KCNK16: variants seen among roughly 807,000 people sequenced by gnomAD.
KCNK16 encodes potassium channel subfamily K member 16.
In KCNK16, 23 loss-of-function variants were observed where a neutral mutation model predicts 23.0. That is an observed-to-expected ratio of 1.00 (90% CI 0.72 to 1.41). The LOEUF (loss-of-function observed/expected upper bound fraction) is 1.41. Ranked by LOEUF, KCNK16 falls within the 40% of genes most tolerant of loss-of-function variation. The pLI, the probability that KCNK16 is intolerant of heterozygous loss-of-function variation, is 0.00. For synonymous variants in KCNK16, 145 were observed against 153.5 expected (o/e 0.94, Z 0.41); for missense variants, 327 against 365.8 (o/e 0.89, Z 0.87).
chr6:39,315,153 T>C, downstream of KCNK16: 1 of 1,614,212 alleles, frequency 6.2e-7, no homozygotes, highest in Non-Finnish European at 8.5e-7. Flanking sequence ...CCCAGCCACA[T>C]AGGAGCCCAC....
At chr6:39,320,587 C>G (rs1422259621) in intron 1 of KCNK16, among the ~76,000 whole-genome samples, 1 of 152,244 alleles carries the variant, frequency 6.6e-6, no homozygotes, top group East Asian at 1.9e-4. Flanking sequence ...CTTCCAGAAT[C>G]TCACCCCAGT....
In KCNK16 at chr6:39,316,843, G is replaced by C. The variant is rs377243336; in HGVS notation, c.600C>G (p.Ser200Arg). ...VFSHVEGWSFSEGFYFAFITL... is the reference protein window; with the variant it reads ...VFSHVEGWSFREGFYFAFITL... ...TGATGAAAGCAAAGTAGAAGCCCTC[G>C]CTGAAGCTCCAGCCCTCCACATGGC... The change falls in exon 4 of 5, where the codon AGC becomes AGG. Residue 200 changes from serine (S) to arginine (R), a missense_variant. By Grantham distance (110) the Ser-to-Arg change is moderately radical. Coordinates refer to ENST00000437525, the MANE Select transcript of KCNK16 (RefSeq NM_001135106.2). The C allele has an allele frequency of 6.2e-7, 1 of 1,613,982 alleles. No individual in the cohort carries two copies. The highest frequency in any genetic ancestry group is 1.7e-5 in the Admixed American group (1 of 59,996).
In KCNK16 at chr6:39,322,320, C is replaced by A. The variant is rs200138260; in HGVS notation, c.213+8G>T. The stretch of plus-strand genomic sequence containing the variant: ...TCTCCATCCCAATCCCACATCGCTC[C>A]CCTTCACCTGCACAAACTGCTCCAT... On this transcript the variant is annotated splice_region_variant and intron_variant, in intron 1 of 4. Coordinates refer to ENST00000437525, the MANE Select transcript of KCNK16 (RefSeq NM_001135106.2). The A allele has an allele frequency of 2.6e-4, 412 of 1,609,282 alleles. 2 individuals are homozygous for A. Among genetic ancestry groups the A allele is most frequent in the Middle Eastern group, 4.9e-4 (3 of 6,068 alleles).
At chr6:39,317,022 G>C in intron 3 of KCNK16, 75 bp from the exon 4 acceptor site, 1 of 1,455,324 alleles carries the variant, frequency 6.9e-7, no homozygotes, top group Non-Finnish European at 9.3e-7. Flanking sequence ...GGAGTCTGGG[G>C]TAAACATGGG....
chr6:39,315,430 G>GGGAGGCC, downstream of KCNK16: 1 of 1,549,452 alleles, frequency 6.5e-7, no homozygotes, highest in East Asian at 2.4e-5. Context: ...TAAGGGGGTG[G>GGGAGGCC]CCTGTGAGGG....
At chr6:39,318,427 G>A (rs1762403653) in intron 2 of KCNK16, among the ~76,000 whole-genome samples, 1 of 152,148 alleles carries the variant, frequency 6.6e-6, no homozygotes, top group Admixed American at 6.5e-5. Context: ...TAACTGAATG[G>A]ATGGGGTAGA....
rs1359440826 is a variant in KCNK16 at position 39,316,437 on chromosome 6, C to T, written c.667G>A (p.Asp223Asn). The change falls in exon 5 of 5, where the codon GAC becomes AAC. Residue 223 changes from aspartate (D) to asparagine (N), a missense_variant. Coordinates refer to ENST00000437525, the MANE Select transcript of KCNK16 (RefSeq NM_001135106.2). The part of the protein sequence containing the change: ...IGFGDYVVGT[D>N]PSKHYISVYR... The stretch of plus-strand genomic sequence containing the variant: ...ACTGAGATATAATGCTTGCTGGGGT[C>T]TGTGCCTGCCAGGGAAGGGAATGGC... 2 of 1,596,278 alleles carry T rather than the reference C, an allele frequency of 1.3e-6. No individual in the cohort carries two copies. Among genetic ancestry groups the T allele is most frequent in the South Asian group, 1.1e-5 (1 of 89,626 alleles).
chr6:39,318,975 A>G, intron 2 of KCNK16, 44 bp downstream of exon 2: 1 of 1,379,416 alleles, frequency 7.2e-7, no homozygotes, highest in South Asian at 1.2e-5. Context: ...GCCCAAACTA[A>G]GACAGGGGCC....
downstream of KCNK16, chr6:39,314,948 C>T: frequency 6.7e-7 from 1 of 1,495,660 alleles, no homozygotes; most frequent in Non-Finnish European, 9.0e-7. Context: ...CCCCCGAAAT[C>T]CCTCTACCTG....
Position 39,322,504 on chromosome 6 carries a change from G to T in KCNK16, c.37C>A (p.Arg13=). 1 of 1,610,558 alleles carries T rather than the reference G, an allele frequency of 6.2e-7. No individual in the cohort carries two copies. Among genetic ancestry groups the T allele is most frequent in the Non-Finnish European group, 8.5e-7 (1 of 1,179,138 alleles). The part of the protein sequence containing the change: ...SAGLCSCWGG[R]VLPLLLAYVC... ...TAGGCCAGCAGCAGGGGCAGCACCC[G>T]GCCACCCCAGCAGCTGCAGAGCCCA... The change falls in exon 1 of 5, where the codon CGG becomes AGG. Residue 13 remains arginine, a synonymous_variant. Coordinates refer to ENST00000437525, the MANE Select transcript of KCNK16 (RefSeq NM_001135106.2).
rs371006984 is a variant in KCNK16, at chr6:39,319,041, T to C, written c.306A>G (p.Ala102=). 6.2e-6 allele frequency: 10 copies of C among 1,613,848 alleles called. No individual in the cohort carries two copies. Among genetic ancestry groups the C allele is most frequent in the Non-Finnish European group, 8.5e-6 (10 of 1,179,736 alleles). The change falls in exon 2 of 5, where the codon GCA becomes GCG. Residue 102 remains alanine (A), a synonymous_variant. Transcript: ENST00000437525. This position sits in a 1 kb window ranked among gnomAD's most constrained non-coding sequence, Gnocchi z 4.2. ...TACCTATGGTAGTGACGACTGTGCC[T>C]GCAAAGAAGAAACTGCTGCCAAAGT... is the stretch of plus-strand genomic sequence containing the variant. ...NWDFGSSFFF[A]GTVVTTIGYG...
At chr6:39,314,970 G>A, downstream of KCNK16, 1 of 1,534,322 alleles carries the variant, frequency 6.5e-7, no homozygotes, top group Non-Finnish European at 8.8e-7. Context: ...AGTGGAGGAA[G>A]CGTCTAGGCT....
chr6:39,320,089 A>C (rs1402963551), intron 1 of KCNK16, among the ~76,000 whole-genome samples: 1 of 152,172 alleles, frequency 6.6e-6, no homozygotes, highest in South Asian at 2.1e-4. Context: ...AGCCAGGGAC[A>C]CAACAGTTCT....
Position 39,322,547 on chromosome 6 carries a change from GCCAGGA to G in KCNK16, c.-13_-8del. On this transcript the variant is annotated 5_prime_UTR_variant, in exon 1 of 5. Coordinates refer to ENST00000437525, the MANE Select transcript of KCNK16 (RefSeq NM_001135106.2). ...AGAGCCCAGCACTGGGCATGCTGTG[GCCAGGA>G]CCCTGCCAGGGCCGTGGGGCTGGCT... 1.3e-6 allele frequency: 2 copies of G among 1,587,586 alleles called. No individual in the cohort carries two copies. The highest frequency in any genetic ancestry group is 1.7e-6 in the Non-Finnish European group (2 of 1,170,630).
At chr6:39,315,452 C>T (rs1425058084), downstream of KCNK16, 2 of 1,538,420 alleles carry the variant, frequency 1.3e-6, no homozygotes, top group African/African-American at 2.8e-5. Flanking sequence ...CAGGGGAGGC[C>T]ATGTTCAGGA....
At chr6:39,317,998 C>A (rs1259622435) in intron 2 of KCNK16, 46 bp from the exon 3 acceptor site, 1 of 1,520,462 alleles carries the variant, frequency 6.6e-7, no homozygotes, top group African/African-American at 1.4e-5. Flanking sequence ...CTCTAGAACG[C>A]CCTCTGCTCC....
In KCNK16 at chr6:39,316,204, C is replaced by G. The variant is rs1535499; in HGVS notation, c.*15G>C. 7,512 of 1,484,256 alleles carry G rather than the reference C, an allele frequency of 5.1e-3. 165 individuals are homozygous for G. In the African/African-American group the frequency reaches 0.063, roughly 12 times the overall value. The allele number at this position is 1,484,256 out of a possible 1,614,324, so 91.9% of individuals were successfully genotyped here. A position where few individuals can be genotyped will look rare whatever the true frequency, so the allele number is the denominator to read the frequency against. On this transcript the variant is annotated 3_prime_UTR_variant, in exon 5 of 5. Coordinates refer to ENST00000437525, the MANE Select transcript of KCNK16 (RefSeq NM_001135106.2). ...GGGGAGGATGAAAGGGGTTTCTGGG[C>G]CCCCCCCGGGGGCCTCATGCAGAGA...
chr6:39,317,927 T>C lies in KCNK16; in HGVS notation c.354A>G (p.Thr118=). 6.2e-7 allele frequency: 1 copy of C among 1,609,874 alleles called. No individual in the cohort carries two copies. Residue 118 remains threonine (T), a synonymous_variant, in exon 3 of 5, where the codon ACA becomes ACG. Transcript: ENST00000437525. ...AGACACAGAAGACCTGACCTGCCTC[T>C]GTGCTGGGTGCCAGGTTCCCATATC... ...TIGYGNLAPS[T]EAGQVFCVFY... is the part of the protein sequence containing the mutation.
downstream of KCNK16, chr6:39,315,039 TG>T: frequency 6.2e-7 from 1 of 1,613,226 alleles, no homozygotes; most frequent in African/African-American, 1.3e-5. Flanking sequence ...GGGGAAGTCC[TG>T]GGGTGTGACT....
Sources: gnomAD v4.1 joint callset for allele counts (sites outside exome capture counted in the v4.1 genomes callset) on GRCh38, gnomAD v4.1.1 for gene constraint, Gnocchi (gnomAD v3.1) non-coding constraint, MANE v1.5 for transcripts, NCBI Gene and HGNC (gene_info 2026-07-23, HGNC 2026-07-21) for gene names.